The following WDR3 variants were observed in gnomAD, a reference collection of about 807,000 sequenced individuals.
WDR3 encodes WD repeat-containing protein 3.
Under a neutral mutation model 123.7 loss-of-function variants are expected in WDR3, and 81 were observed. The ratio of observed to expected loss-of-function variants is 0.65; its 90% CI spans 0.55 to 0.79. The LOEUF (loss-of-function observed/expected upper bound fraction) is 0.79, where lower values mean the gene tolerates loss of function less well. Ranked by LOEUF, WDR3 falls within the 30% of genes least tolerant of loss-of-function variation. The pLI, the probability that WDR3 is intolerant of heterozygous loss-of-function variation, is 0.00. For synonymous variants in WDR3, 390 were observed against 388.8 expected (o/e 1.00, Z -0.04); for missense variants, 1,027 against 1,123.2 (o/e 0.91, Z 1.22).
chr1:117,948,870 T>A (rs1458604803), intron 13 of WDR3, among the ~76,000 whole-genome samples: 3 of 152,214 alleles, frequency 2.0e-5, no homozygotes, highest in African/African-American at 7.2e-5. Context: ...TAAGTAGTTT[T>A]AGCAAGTATG....
chr1:117,942,470 T>G lies in WDR3; in HGVS notation c.1023T>G (p.Pro341=). 1.2e-6 allele frequency: 2 copies of G among 1,613,922 alleles called. No individual in the cohort carries two copies. The highest frequency in any genetic ancestry group is 1.7e-6 in the Non-Finnish European group (2 of 1,179,842). Residue 341 remains proline (P), a synonymous_variant, in exon 10 of 27, where the codon CCT becomes CCG. Coordinates refer to ENST00000349139, the MANE Select transcript of WDR3 (RefSeq NM_006784.3). ...LHSSKGEEED[P]EVNVEMSLQD... ...CTAGCAAAGGAGAGGAGGAAGATCC[T>G]GAGGTTAATGTTGAAATGAGTCTGC...
intron 25 of WDR3, among the ~76,000 whole-genome samples, chr1:117,957,897 A>G (rs535594609): frequency 4.6e-5 from 7 of 152,356 alleles, no homozygotes; most frequent in African/African-American, 1.7e-4. Context: ...ACAGGTGCAA[A>G]TGGAAATGTA....
chr1:117,935,099 A>T (rs1247463600), intron 3 of WDR3, among the ~76,000 whole-genome samples: 5 of 152,240 alleles, frequency 3.3e-5, no homozygotes, highest in Non-Finnish European at 5.9e-5. Context: ...CAACAGATTA[A>T]GTAACAGACA....
At chr1:117,947,159 G>C (rs554405589) in intron 12 of WDR3, among the ~76,000 whole-genome samples, 15 of 152,220 alleles carry the variant, frequency 9.9e-5, no homozygotes, top group African/African-American at 3.6e-4. Context: ...ATTTCACAGA[G>C]ATGAAGTATA....
In WDR3 at chr1:117,948,469, A is replaced by G. The variant is rs1176513337; in HGVS notation, c.1487A>G (p.Asp496Gly). The change falls in exon 13 of 27, where the codon GAT becomes GGT. Residue 496 changes from aspartate (D) to glycine (G), a missense_variant. Transcript: ENST00000349139. ...CTGCTGGAGACAATAGATGCACATG[A>G]TGGAGCTTTGTGGTCCATGTCCCTC... is the stretch of plus-strand genomic sequence containing the variant. ...GNLLETIDAH[D>G]GALWSMSLSP... 14 of 1,613,854 alleles carry G rather than the reference A, an allele frequency of 8.7e-6. No individual in the cohort carries two copies. The East Asian group carries it at 3.1e-4, about 36-fold the overall frequency.
Position 117,934,506 on chromosome 1 carries a change from A to ACTTG in WDR3, c.209_212dup (p.Cys72LeufsTer15). 1 of 1,614,122 alleles carries ACTTG rather than the reference A, an allele frequency of 6.2e-7. No individual in the cohort carries two copies. Among genetic ancestry groups the ACTTG allele is most frequent in the Non-Finnish European group, 8.5e-7 (1 of 1,179,996 alleles). On this transcript the variant is annotated frameshift_variant, in exon 3 of 27. Coordinates refer to ENST00000349139, the MANE Select transcript of WDR3 (RefSeq NM_006784.3). LOFTEE classifies it high-confidence loss of function. ...CCTTCAGGGGCTTAAACAAGAAGTTACTTGCTTATGCCCCTCCCCAGATGG... is the reference window on the plus strand; with the variant it reads ...CCTTCAGGGGCTTAAACAAGAAGTTACTTGCTTGCTTATGCCCCTCCCCAGATGG...
Position 117,942,552 on chromosome 1 carries a change from A to AATT in WDR3, c.1097+9_1097+10insTTA. 6.2e-7 allele frequency: 1 copy of AATT among 1,607,242 alleles called. No homozygotes were observed. The highest frequency in any genetic ancestry group is 8.5e-7 in the Non-Finnish European group (1 of 1,174,472). On this transcript the variant is annotated intron_variant, in intron 10 of 26. Transcript: ENST00000349139. ...AACTTCTGCCAAAATCAAGTGAGTAAAAATAAATTATCTGAAGTTATAGAA... is the reference window on the plus strand; with the variant it reads ...AACTTCTGCCAAAATCAAGTGAGTAAATTAAATAAATTATCTGAAGTTATAGAA...
At chr1:117,959,035 A>G (rs1368634258) in intron 26 of WDR3, 32 bp downstream of exon 26, 1 of 1,596,434 alleles carries the variant, frequency 6.3e-7, no homozygotes, top group East Asian at 2.2e-5. Context: ...TAAAATAATG[A>G]GGCAAATTCC....
chr1:117,947,431 T>G (rs1651449348), intron 12 of WDR3, among the ~76,000 whole-genome samples: 1 of 152,192 alleles, frequency 6.6e-6, no homozygotes. Context: ...TGGAGAGATT[T>G]TAGGAACAAT....
chr1:117,939,302 C>T (rs1651058452), intron 5 of WDR3, among the ~76,000 whole-genome samples, 175 bp from the exon 6 acceptor site: 1 of 152,104 alleles, frequency 6.6e-6, no homozygotes, highest in African/African-American at 2.4e-5. Context: ...CCATTTTTTT[C>T]TCTGTAAAAG....
In WDR3 at chr1:117,963,715, A is replaced by C; in HGVS notation, c.*4268A>C. 1.1e-5 allele frequency: 15 copies of C among 1,314,276 alleles called. No homozygotes were observed. The highest frequency in any genetic ancestry group is 1.5e-5 in the Non-Finnish European group (14 of 957,674). 81.4% of individuals were successfully genotyped at this position (1,314,276 alleles called of 1,614,324 possible). On this transcript the variant is annotated 3_prime_UTR_variant, in exon 27 of 27. Transcript: ENST00000349139. ...CCAGGTGGCTTATAGGTTTCTGACT[A>C]TAAGAAGAGGGGAAGAAACCTGGGG... is the stretch of plus-strand genomic sequence containing the variant.
intron 23 of WDR3, 160 bp from the exon 24 acceptor site, chr1:117,955,155 C>A: frequency 1.8e-6 from 1 of 553,680 alleles, no homozygotes; most frequent in Admixed American, 3.5e-5. Flanking sequence ...GTTGTCAACC[C>A]AGATCTGACT....
At position 117,963,160 on chromosome 1, in the gene WDR3, C is replaced by T. The variant is rs554198601; in HGVS notation, c.*3713C>T. On this transcript the variant is annotated 3_prime_UTR_variant, in exon 27 of 27. Transcript: ENST00000349139. ...ACTGAGCCCAACTCTTACATAGGGC[C>T]TGGCAGTGTTGCCCTTGTGTATCCC... The T allele has an allele frequency of 1.7e-3, 259 of 152,292 alleles. 1 individual carries two copies. The highest frequency in any genetic ancestry group is 6.1e-3 in the African/African-American group (254 of 41,540). 9.4% of individuals were successfully genotyped at this position (152,292 alleles called of 1,614,324 possible).
chr1:117,942,633 T>C (rs892897291), intron 10 of WDR3, 89 bp downstream of exon 10: 1 of 1,190,884 alleles, frequency 8.4e-7, no homozygotes, highest in East Asian at 2.4e-5. Flanking sequence ...GCTGTCTGTA[T>C]GAATTATATA....
intron 2 of WDR3, among the ~76,000 whole-genome samples, chr1:117,934,029 T>C (rs1650830222): frequency 6.6e-6 from 1 of 152,228 alleles, no homozygotes; most frequent in African/African-American, 2.4e-5. Context: ...GTTAGTACTT[T>C]GATTCTTGTT....
At chr1:117,930,934 GTGT>G (rs1159485499) in intron 1 of WDR3, among the ~76,000 whole-genome samples, 4 of 152,054 alleles carry the variant, frequency 2.6e-5, no homozygotes, top group African/African-American at 9.7e-5. Flanking sequence ...TTCCCTTGTG[GTGT>G]TATTGTGGAG....
chr1:117,939,331 A>C (rs1246503768), intron 5 of WDR3, 146 bp from the exon 6 acceptor site: 7 of 741,098 alleles, frequency 9.4e-6, no homozygotes, highest in Non-Finnish European at 1.5e-5. Context: ...CTCTTAGTGC[A>C]TTTTGAAAGG....
chr1:117,944,358 G>A (rs918722889), intron 11 of WDR3, among the ~76,000 whole-genome samples: 3 of 152,106 alleles, frequency 2.0e-5, no homozygotes, highest in South Asian at 2.1e-4. Context: ...TCTTTATGAC[G>A]TCTAAGTGTT....
rs1250360920 is a variant in WDR3 at position 117,950,030 on chromosome 1, A to G, written c.1646A>G (p.Asp549Gly). 1.2e-6 allele frequency: 2 copies of G among 1,613,832 alleles called. No homozygotes were observed. The highest frequency in any genetic ancestry group is 2.7e-5 in the African/African-American group (2 of 74,872). ...SVKQTRTLQL[D>G]EDVLCVSYSP... ...AAGCAAACCCGAACTTTGCAACTAG[A>G]TGAAGATGTTCTGTGTGTCAGTTAC... The change falls in exon 15 of 27, where the codon GAT (aspartate) becomes GGT (glycine). Residue 549 changes from aspartate (D) to glycine (G), a missense_variant. Coordinates refer to ENST00000349139, the MANE Select transcript of WDR3 (RefSeq NM_006784.3).
Sources: allele counts gnomAD v4.1 joint callset (sites outside exome capture counted in the v4.1 genomes callset), GRCh38; gene constraint gnomAD v4.1.1; transcripts MANE v1.5; gene names NCBI Gene and HGNC (gene_info 2026-07-23, HGNC 2026-07-21).